AGBL4: variants seen among roughly 807,000 people sequenced by gnomAD.
AGBL4 encodes AGBL carboxypeptidase 4.
Under a neutral mutation model 66.4 loss-of-function variants are expected in AGBL4, and 58 were observed. The ratio of observed to expected loss-of-function variants is 0.87; its 90% CI spans 0.71 to 1.09. The LOEUF (loss-of-function observed/expected upper bound fraction) is 1.09. Ranked by LOEUF, AGBL4 falls within the 50% of genes least tolerant of loss-of-function variation. The pLI is 0.00. For missense variants in AGBL4, 579 were observed against 631.0 expected, an observed-to-expected ratio of 0.92 and a Z score of 0.88; for synonymous variants, 234 against 222.9, an observed-to-expected ratio of 1.05 and a Z score of -0.44.
intron 5 of AGBL4, among the ~76,000 whole-genome samples, chr1:48,996,476 G>C (rs1660999877): frequency 6.6e-6 from 1 of 152,202 alleles, no homozygotes; most frequent in Admixed American, 6.5e-5. Flanking sequence ...GGAGAAGAAA[G>C]AGGACTAAGG....
chr1:49,367,255 G>A (rs984086158), intron 3 of AGBL4, among the ~76,000 whole-genome samples: 14 of 152,148 alleles, frequency 9.2e-5, no homozygotes, highest in Admixed American at 2.6e-4. Context: ...GGTCATGGGG[G>A]TAGACCCTTT....
At chr1:48,855,084 T>TA (rs1284091554) in intron 6 of AGBL4, among the ~76,000 whole-genome samples, 4 of 152,218 alleles carry the variant, frequency 2.6e-5, no homozygotes, top group African/African-American at 9.6e-5. Context: ...TAATTTAATT[T>TA]AGCTTTTGTG....
chr1:49,163,033 T>C (rs1646567578), intron 4 of AGBL4, among the ~76,000 whole-genome samples: 1 of 152,212 alleles, frequency 6.6e-6, no homozygotes, highest in South Asian at 2.1e-4. Flanking sequence ...TATTTATATA[T>C]AGATATATTT....
intron 3 of AGBL4, among the ~76,000 whole-genome samples, chr1:49,400,362 C>T (rs1204415115): frequency 1.3e-5 from 2 of 150,608 alleles, no homozygotes; most frequent in Admixed American, 1.3e-4. Context: ...TTTGGCTATT[C>T]TGGGTCTTTT....
chr1:48,587,694 G>C, intron 10 of AGBL4, among the ~76,000 whole-genome samples: 1 of 151,214 alleles, frequency 6.6e-6, no homozygotes, highest in Non-Finnish European at 1.5e-5. Flanking sequence ...CCAGGCTGGA[G>C]TACAGTGGCG....
intron 6 of AGBL4, among the ~76,000 whole-genome samples, chr1:48,857,517 C>T (rs1036875373): frequency 2.0e-5 from 3 of 151,870 alleles, no homozygotes; most frequent in Non-Finnish European, 4.4e-5. Flanking sequence ...GTCAGGAGAT[C>T]GAGAACATCC....
intron 5 of AGBL4, among the ~76,000 whole-genome samples, chr1:49,011,893 T>C: frequency 4.7e-5 from 1 of 21,446 alleles, no homozygotes; most frequent in Admixed American, 7.2e-4. Context: ...GGGTGGGGGG[T>C]GGGGGGAGGG....
At chr1:49,936,586 A>G (rs1018813281) in intron 1 of AGBL4, among the ~76,000 whole-genome samples, 3 of 152,224 alleles carry the variant, frequency 2.0e-5, no homozygotes, top group African/African-American at 7.2e-5. Flanking sequence ...GCAGCCAGAG[A>G]GAAAGGTCGG....
At chr1:48,532,787 T>G (rs1184636418), downstream of AGBL4, 1 of 152,176 alleles carries the variant, frequency 6.6e-6, no homozygotes, top group Non-Finnish European at 1.5e-5. Context: ...GGGGTTTGCC[T>G]GTTGGTTCTT....
At chr1:49,406,813 C>G (rs982322759) in intron 3 of AGBL4, among the ~76,000 whole-genome samples, 1 of 151,720 alleles carries the variant, frequency 6.6e-6, no homozygotes, top group African/African-American at 2.4e-5. Flanking sequence ...TGCCTGTAAT[C>G]CCAGCACTTT....
chr1:49,478,180 C>A (rs532902735), intron 3 of AGBL4, among the ~76,000 whole-genome samples: 1 of 151,780 alleles, frequency 6.6e-6, no homozygotes, highest in East Asian at 2.0e-4. Context: ...AGAGAATTCC[C>A]AAACCTAGAG....
intron 2 of AGBL4, among the ~76,000 whole-genome samples, chr1:49,710,648 CT>C (rs1372133119): frequency 6.6e-6 from 1 of 151,288 alleles, no homozygotes; most frequent in Non-Finnish European, 1.5e-5. Flanking sequence ...ATAGAAAATT[CT>C]TTGTGACCTT....
intron 4 of AGBL4, among the ~76,000 whole-genome samples, chr1:49,147,882 G>A (rs1646250453): frequency 6.6e-6 from 1 of 152,068 alleles, no homozygotes; most frequent in South Asian, 2.1e-4. Flanking sequence ...GGGGAGAGGA[G>A]TCTCAAGTCA....
chr1:49,874,178 C>G (rs779417517), intron 1 of AGBL4, among the ~76,000 whole-genome samples: 2 of 151,910 alleles, frequency 1.3e-5, no homozygotes, highest in Admixed American at 1.3e-4. Context: ...AAAAAATGAA[C>G]CTTATCCTGT....
intron 3 of AGBL4, among the ~76,000 whole-genome samples, chr1:49,378,586 T>C (rs1644521966): frequency 6.6e-6 from 1 of 152,060 alleles, no homozygotes; most frequent in Middle Eastern, 3.2e-3. Context: ...TAGCATTAGA[T>C]GTGCTAGAGA....
chr1:48,587,006 G>C lies in AGBL4; in HGVS notation c.1265C>G (p.Ala422Gly). ...TTAAVPYTEE[A>G]YMKLGRNVAR... is the part of the protein sequence containing the mutation. ...GGCTGGGTGGGGACTAAGGATACAG[G>C]CTTCTTCAGTGTAGGGCACAGCAGC... The change falls in exon 11 of 14, where the codon GCC (alanine) becomes GGC (glycine). Residue 422 changes from alanine to glycine, a missense_variant and splice_region_variant. Ala to Gly is a moderately conservative substitution (Grantham distance 60). Transcript: ENST00000371839. The C allele has an allele frequency of 6.2e-7, 1 of 1,610,294 alleles. No homozygotes were observed. The highest frequency in any genetic ancestry group is 1.7e-4 in the Middle Eastern group (1 of 6,060).
intron 3 of AGBL4, among the ~76,000 whole-genome samples, chr1:49,649,167 T>G (rs556127048): frequency 6.6e-6 from 1 of 152,024 alleles, no homozygotes; most frequent in South Asian, 2.1e-4. Flanking sequence ...TACTAAAAGA[T>G]AGAGATGGTA....
chr1:49,546,368 TTA>T (rs545279284), intron 3 of AGBL4, among the ~76,000 whole-genome samples: 2 of 151,328 alleles, frequency 1.3e-5, no homozygotes, highest in African/African-American at 4.8e-5. Flanking sequence ...TATTCCATCA[TTA>T]TATATATACA....
At chr1:48,671,385 G>A (rs1446111730) in intron 6 of AGBL4, among the ~76,000 whole-genome samples, 1 of 152,236 alleles carries the variant, frequency 6.6e-6, no homozygotes, top group Non-Finnish European at 1.5e-5. Flanking sequence ...GAGCTCAACT[G>A]CTCTCCTGCA....
Sources: gnomAD v4.1 joint callset for allele counts (sites outside exome capture counted in the v4.1 genomes callset) on GRCh38, gnomAD v4.1.1 for gene constraint, MANE v1.5 for transcripts, NCBI Gene and HGNC (gene_info 2026-07-23, HGNC 2026-07-21) for gene names.